The following SHC3 variants were observed in gnomAD, a reference collection of about 807,000 sequenced individuals.
SHC3 encodes the protein SHC adaptor protein 3.
SHC3 carries 15 observed loss-of-function variants against 60.4 expected under a neutral mutation model. The observed-to-expected ratio is 0.25, with a 90% confidence interval of 0.17 to 0.38. The LOEUF is 0.38. Among genes scored for constraint, SHC3 ranks in the 10% least tolerant of loss-of-function variants. The probability of loss-of-function intolerance (pLI) is 1.00; values close to 1 mark genes in which losing one functional copy is unlikely to be tolerated. For missense variants in SHC3, 677 were observed against 786.1 expected (o/e 0.86, Z 1.66); for synonymous variants, 294 against 325.9 (o/e 0.90, Z 1.05).
chr9:89,040,063 C>A (rs968285538), intron 10 of SHC3, among the ~76,000 whole-genome samples: 1 of 146,598 alleles, frequency 6.8e-6, no homozygotes, highest in South Asian at 2.3e-4. Flanking sequence ...ATCACCATCA[C>A]CACCACCACC....
chr9:89,134,239 C>A (rs527811419), intron 1 of SHC3, among the ~76,000 whole-genome samples: 2 of 152,048 alleles, frequency 1.3e-5, no homozygotes, highest in Admixed American at 6.6e-5. Flanking sequence ...GGATTTCTTG[C>A]CTGTGTTTAA....
At chr9:89,154,251 A>T (rs528955058) in intron 1 of SHC3, among the ~76,000 whole-genome samples, 1 of 151,312 alleles carries the variant, frequency 6.6e-6, no homozygotes, top group African/African-American at 2.4e-5. Flanking sequence ...AATGTATTTT[A>T]TGTGTGGTCC....
chr9:89,103,552 C>T (rs1042777583), intron 2 of SHC3, among the ~76,000 whole-genome samples: 11 of 152,082 alleles, frequency 7.2e-5, no homozygotes, highest in Admixed American at 2.0e-4. Context: ...AGAGAAAATC[C>T]GGATGTGGAG....
chr9:89,177,877 C>A, intron 1 of SHC3, 110 bp downstream of exon 1: 1 of 1,130,052 alleles, frequency 8.8e-7, no homozygotes, highest in Non-Finnish European at 1.1e-6. Context: ...TTGCCTCTAA[C>A]GTGACAGTCG....
intron 6 of SHC3, among the ~76,000 whole-genome samples, chr9:89,063,319 G>A (rs1300199874): frequency 6.6e-6 from 1 of 152,140 alleles, no homozygotes; most frequent in Non-Finnish European, 1.5e-5. Flanking sequence ...TAGTAGAGAT[G>A]GGGTTTCACC....
intron 2 of SHC3, among the ~76,000 whole-genome samples, chr9:89,100,431 G>T (rs1307280034): frequency 1.3e-5 from 2 of 151,964 alleles, no homozygotes; most frequent in Non-Finnish European, 2.9e-5. Context: ...AAAGATAGGG[G>T]TCTCACTATG....
intron 11 of SHC3, among the ~76,000 whole-genome samples, chr9:89,022,226 T>G (rs2118646445): frequency 6.6e-6 from 1 of 151,850 alleles, no homozygotes; most frequent in African/African-American, 2.4e-5. Context: ...TTGGCGGTCC[T>G]GTCGGGGCTC....
chr9:89,153,822 G>A (rs1826581342), intron 1 of SHC3, among the ~76,000 whole-genome samples: 1 of 152,232 alleles, frequency 6.6e-6, no homozygotes, highest in Non-Finnish European at 1.5e-5. Context: ...GACTCATGGG[G>A]CTTTGGAGAA....
intron 1 of SHC3, among the ~76,000 whole-genome samples, chr9:89,152,739 A>C (rs1826561990): frequency 6.6e-6 from 1 of 152,234 alleles, no homozygotes; most frequent in Non-Finnish European, 1.5e-5. Flanking sequence ...TCTACTTTTC[A>C]TAAATTAATT....
chr9:89,156,305 G>A (rs1826622340), intron 1 of SHC3, among the ~76,000 whole-genome samples: 1 of 152,068 alleles, frequency 6.6e-6, no homozygotes, highest in East Asian at 1.9e-4. Flanking sequence ...ATCCTGAAGT[G>A]GACCCTCCAG....
intron 9 of SHC3, among the ~76,000 whole-genome samples, chr9:89,045,279 CTT>C (rs35967148): frequency 1.1e-4 from 14 of 122,236 alleles, no homozygotes; most frequent in Non-Finnish European, 1.2e-4. Context: ...AACACTGTTG[CTT>C]TTTTTTTTTT....
chr9:89,018,658 A>T (rs1277272877), intron 11 of SHC3, among the ~76,000 whole-genome samples: 2 of 151,196 alleles, frequency 1.3e-5, no homozygotes, highest in Admixed American at 1.3e-4. Context: ...TTTAAAAAAA[A>T]CTCTTGATAA....
rs1825966572 is a variant in SHC3, at chr9:89,112,632, AG to A, written c.475-7del. ...ACTTCAATGCACCCCAAGTACTGCAAGGGGAAAAAATGTAAATCGTGAGCCC... is the reference window on the plus strand; with the variant it reads ...ACTTCAATGCACCCCAAGTACTGCAAGGGAAAAAATGTAAATCGTGAGCCC... On this transcript the variant is annotated splice_region_variant and splice_polypyrimidine_tract_variant and intron_variant, in intron 1 of 11. Coordinates refer to ENST00000375835, the MANE Select transcript of SHC3 (RefSeq NM_016848.6). 6.3e-7 allele frequency: 1 copy of A among 1,581,792 alleles called. No homozygotes were observed. Among genetic ancestry groups the A allele is most frequent in the Non-Finnish European group, 8.6e-7 (1 of 1,167,022 alleles).
At chr9:89,059,130 CG>C (rs1825014143) in intron 6 of SHC3, among the ~76,000 whole-genome samples, 5 of 98,424 alleles carry the variant, frequency 5.1e-5, no homozygotes, top group East Asian at 7.0e-4. Flanking sequence ...TGGTGGAGGA[CG>C]GTGGTGGAGG....
chr9:89,136,538 T>G (rs969058781), intron 1 of SHC3, among the ~76,000 whole-genome samples: 2 of 152,054 alleles, frequency 1.3e-5, no homozygotes, highest in Admixed American at 1.3e-4. Context: ...TTACCCTATA[T>G]AAAAAGGGAA....
chr9:89,153,167 G>C (rs970967306), intron 1 of SHC3, among the ~76,000 whole-genome samples: 6 of 152,122 alleles, frequency 3.9e-5, no homozygotes, highest in African/African-American at 1.4e-4. Context: ...TTATTTTAAG[G>C]GGTCCTTGAA....
At chr9:89,145,395 T>G (rs1826454437) in intron 1 of SHC3, among the ~76,000 whole-genome samples, 1 of 152,198 alleles carries the variant, frequency 6.6e-6, no homozygotes, top group Admixed American at 6.5e-5. Flanking sequence ...ATGATTCGCT[T>G]AAAGTAATCA....
chr9:89,054,962 C>T (rs1236357331), intron 6 of SHC3, among the ~76,000 whole-genome samples: 1 of 152,230 alleles, frequency 6.6e-6, no homozygotes. Context: ...GGAGCAGCCA[C>T]CTGAGCCATG....
chr9:89,112,764 T>C (rs1471436328), intron 1 of SHC3, 138 bp from the exon 2 acceptor site: 1 of 667,400 alleles, frequency 1.5e-6, no homozygotes, highest in Non-Finnish European at 2.3e-6. Context: ...GGTGAGGCTT[T>C]GTTTTGTTTC....
Sources: allele counts gnomAD v4.1 joint callset (sites outside exome capture counted in the v4.1 genomes callset), GRCh38; gene constraint gnomAD v4.1.1; transcripts MANE v1.5; gene names NCBI Gene and HGNC (gene_info 2026-07-23, HGNC 2026-07-21).